Variants in RPS6KA2 observed in about 807,000 individuals in gnomAD.
The protein encoded by RPS6KA2 is ribosomal protein S6 kinase A2, also known as ribosomal protein S6 kinase alpha-2.
In RPS6KA2, 42 loss-of-function variants were observed where a neutral mutation model predicts 91.8. The observed-to-expected ratio is 0.46, with a 90% CI of 0.36 to 0.59. The LOEUF (loss-of-function observed/expected upper bound fraction) is 0.59. RPS6KA2 is among the 20% of genes least tolerant of loss of function. The probability of loss-of-function intolerance (pLI) is 0.00; values close to 1 mark genes in which losing one functional copy is unlikely to be tolerated. For synonymous variants in RPS6KA2, 414 were observed against 393.6 expected, an observed-to-expected ratio of 1.05 and a Z score of -0.61; for missense variants, 798 against 978.5, an observed-to-expected ratio of 0.82 and a Z score of 2.46.
At chr6:166,442,360 C>T (rs1779545763) in intron 14 of RPS6KA2, among the ~76,000 whole-genome samples, 2 of 152,290 alleles carry the variant, frequency 1.3e-5, no homozygotes, top group South Asian at 2.1e-4. Context: ...AGTGTGCACT[C>T]GGGGTCTGAC....
intron 2 of RPS6KA2, among the ~76,000 whole-genome samples, chr6:166,774,496 G>A (rs937305142): frequency 3.3e-5 from 5 of 152,146 alleles, no homozygotes; most frequent in African/African-American, 1.2e-4. Flanking sequence ...TGTCCCTGCT[G>A]CTGCTGCACC....
At chr6:166,514,972 C>T (rs770572875) in intron 3 of RPS6KA2, among the ~76,000 whole-genome samples, 2 of 152,154 alleles carry the variant, frequency 1.3e-5, no homozygotes, top group Non-Finnish European at 2.9e-5. Context: ...CAGGAAAAGA[C>T]TTGGTTTGGA....
chr6:166,748,479 G>A (rs1292211814), intron 2 of RPS6KA2, among the ~76,000 whole-genome samples: 1 of 151,814 alleles, frequency 6.6e-6, no homozygotes, highest in Admixed American at 6.6e-5. Flanking sequence ...GTGCGGGGCT[G>A]GAGGATGCTG....
chr6:166,626,878 C>T lies in RPS6KA2; in HGVS notation c.99+43G>A. ...GGCGGGCTCGGGCGACCACGGCCCGCTCAGTGCCCGGCACCTGCGCGCCCC... is the reference window on the plus strand; with the variant it reads ...GGCGGGCTCGGGCGACCACGGCCCGTTCAGTGCCCGGCACCTGCGCGCCCC... On this transcript the variant is annotated intron_variant, in intron 1 of 20. Transcript: ENST00000265678. The surrounding 1 kb of genome is among the most constrained non-coding windows in gnomAD (Gnocchi z 4.1). The T allele has an allele frequency of 2.8e-6, 4 of 1,418,446 alleles. No homozygotes were observed. The highest frequency in any genetic ancestry group is 3.7e-6 in the Non-Finnish European group (4 of 1,075,212). The allele number at this position is 1,418,446 out of a possible 1,614,324, so 87.9% of individuals were successfully genotyped here. A position where few individuals can be genotyped will look rare whatever the true frequency, so the allele number is the denominator to read the frequency against.
chr6:166,720,134 C>T (rs1369015045), intron 2 of RPS6KA2, among the ~76,000 whole-genome samples: 1 of 152,176 alleles, frequency 6.6e-6, no homozygotes, highest in Non-Finnish European at 1.5e-5. Context: ...CACTTTTAAA[C>T]AACAAAACAT....
chr6:166,706,567 A>G (rs898294067), intron 2 of RPS6KA2, among the ~76,000 whole-genome samples: 2 of 152,214 alleles, frequency 1.3e-5, no homozygotes, highest in Admixed American at 6.5e-5. Flanking sequence ...AGCAGTCATG[A>G]AGATGAAGAA....
At chr6:166,569,161 T>C (rs1054202721) in intron 1 of RPS6KA2, among the ~76,000 whole-genome samples, 1 of 152,238 alleles carries the variant, frequency 6.6e-6, no homozygotes, top group African/African-American at 2.4e-5. Flanking sequence ...TTATTCCCTT[T>C]CCATTGGATT....
intron 1 of RPS6KA2, among the ~76,000 whole-genome samples, chr6:166,561,093 G>C (rs1784329529): frequency 6.6e-6 from 1 of 152,134 alleles, no homozygotes; most frequent in Non-Finnish European, 1.5e-5. Flanking sequence ...GTTTCCAGTA[G>C]CAAGAACAAT....
At chr6:166,727,269 T>C (rs1179927245) in intron 2 of RPS6KA2, among the ~76,000 whole-genome samples, 1 of 152,022 alleles carries the variant, frequency 6.6e-6, no homozygotes, top group Non-Finnish European at 1.5e-5. Flanking sequence ...GCAGTTTACA[T>C]CATATTATTA....
At chr6:166,754,808 C>T (rs1777958824) in intron 2 of RPS6KA2, among the ~76,000 whole-genome samples, 1 of 152,168 alleles carries the variant, frequency 6.6e-6, no homozygotes, top group Non-Finnish European at 1.5e-5. Context: ...GTGTGCTGCA[C>T]CCTCCCAATG....
intron 1 of RPS6KA2, among the ~76,000 whole-genome samples, chr6:166,575,557 C>A (rs1200372419): frequency 6.6e-6 from 1 of 152,284 alleles, no homozygotes; most frequent in African/African-American, 2.4e-5. Context: ...TTTGTTTATT[C>A]TCTCTACATC....
chr6:166,575,433 G>T (rs3799608), intron 1 of RPS6KA2, among the ~76,000 whole-genome samples: 1 of 152,138 alleles, frequency 6.6e-6, no homozygotes, highest in Non-Finnish European at 1.5e-5. Context: ...GAAATCCAAG[G>T]TTGCTCATTT....
intron 1 of RPS6KA2, among the ~76,000 whole-genome samples, chr6:166,549,709 A>T (rs907827020): frequency 3.9e-5 from 6 of 152,142 alleles, no homozygotes; most frequent in Non-Finnish European, 8.8e-5. Context: ...TGGCGATGGG[A>T]CAGTTCTGTA....
rs1212146378 is a variant in RPS6KA2, at chr6:166,495,172, G to A, written c.747+3336C>T. Among the ~76,000 whole-genome samples, 1 of 152,194 alleles carries A rather than the reference G, an allele frequency of 6.6e-6. No individual in the cohort carries two copies. The highest frequency in any genetic ancestry group is 6.5e-5 in the Admixed American group (1 of 15,282). Reference sequence around the variant, plus strand: ...TCTTTCAGCTTTAGTTTTCATTTCTGTGCACAGAAAGAATACCGTCTTTCC... The same window carrying A: ...TCTTTCAGCTTTAGTTTTCATTTCTATGCACAGAAAGAATACCGTCTTTCC... On this transcript the variant is annotated intron_variant, in intron 8 of 20. Transcript: ENST00000265678. This position sits in a 1 kb window ranked among gnomAD's most constrained non-coding sequence, Gnocchi z 4.4.
At chr6:166,857,544 A>C (rs897116614) in intron 2 of RPS6KA2, among the ~76,000 whole-genome samples, 1 of 152,174 alleles carries the variant, frequency 6.6e-6, no homozygotes, top group African/African-American at 2.4e-5. Flanking sequence ...TCACTTTATT[A>C]AAGTCTAAGT....
chr6:166,564,128 T>A (rs1475861423), intron 1 of RPS6KA2, among the ~76,000 whole-genome samples: 1 of 152,236 alleles, frequency 6.6e-6, no homozygotes, highest in Non-Finnish European at 1.5e-5. Context: ...AGCGGCCTAT[T>A]AACATTTCCC....
At position 166,418,645 on chromosome 6, in the gene RPS6KA2, G is replaced by A. The variant is rs761257485; in HGVS notation, c.1821-303C>T. ...GTGGCCTAGTGAGTTGCCTGGTGCC[G>A]TGGTTTCCACGGTGATGGTGTGGCA... On this transcript the variant is annotated intron_variant, in intron 18 of 20. Coordinates refer to ENST00000265678, the MANE Select transcript of RPS6KA2 (RefSeq NM_021135.6). The surrounding 1 kb of genome is among the most constrained non-coding windows in gnomAD (Gnocchi z 4.9). 6.6e-5 allele frequency among the ~76,000 whole-genome samples: 10 copies of A among 152,376 alleles called. No individual in the cohort carries two copies. The highest frequency in any genetic ancestry group is 2.6e-4 in the Admixed American group (4 of 15,310).
intron 2 of RPS6KA2, among the ~76,000 whole-genome samples, chr6:166,690,732 G>C (rs1401264680): frequency 2.0e-5 from 3 of 152,132 alleles, no homozygotes; most frequent in Non-Finnish European, 2.9e-5. Context: ...CCTTCCGCTA[G>C]ATAAGCCTCA....
intron 2 of RPS6KA2, among the ~76,000 whole-genome samples, chr6:166,745,675 G>C (rs7763415): frequency 6.6e-6 from 1 of 151,968 alleles, no homozygotes; most frequent in Non-Finnish European, 1.5e-5. Context: ...CTCAGAGAAC[G>C]AGAGGGGGTG....
Sources: allele counts gnomAD v4.1 joint callset (sites outside exome capture counted in the v4.1 genomes callset), GRCh38; gene constraint gnomAD v4.1.1; non-coding constraint Gnocchi (gnomAD v3.1); transcripts MANE v1.5; gene names NCBI Gene and HGNC (gene_info 2026-07-23, HGNC 2026-07-21).